Variants in SEMA5B observed in about 807,000 individuals in gnomAD.
SEMA5B encodes the protein semaphorin 5B, also known as semaphorin-5B.
Under a neutral mutation model 135.0 loss-of-function variants are expected in SEMA5B, and 66 were observed. The observed-to-expected ratio is 0.49, with a 90% confidence interval of 0.40 to 0.60. The LOEUF (loss-of-function observed/expected upper bound fraction) is 0.60, where lower values mean the gene tolerates loss of function less well. Ranked by LOEUF, SEMA5B falls within the 20% of genes least tolerant of loss-of-function variation. The pLI is 0.00. For missense variants in SEMA5B, 1,501 were observed against 1,566.3 expected (o/e 0.96, Z 0.70); for synonymous variants, 690 against 639.5 (o/e 1.08, Z -1.19).
At chr3:122,924,046 T>C (rs1005013641) in intron 9 of SEMA5B, among the ~76,000 whole-genome samples, 1 of 150,612 alleles carries the variant, frequency 6.6e-6, no homozygotes, top group Non-Finnish European at 1.5e-5. Flanking sequence ...TTGTAGTCCA[T>C]GGACCGTGGT....
intron 3 of SEMA5B, among the ~76,000 whole-genome samples, chr3:122,945,159 T>A (rs1195662777): frequency 6.6e-6 from 1 of 152,176 alleles, no homozygotes; most frequent in Non-Finnish European, 1.5e-5. Context: ...GTGAGTTGGA[T>A]GTTTTTCAGA....
At chr3:122,916,930 A>G (rs1938103350) in intron 12 of SEMA5B, among the ~76,000 whole-genome samples, 1 of 152,116 alleles carries the variant, frequency 6.6e-6, no homozygotes, top group African/African-American at 2.4e-5. Context: ...CATGCCCCAA[A>G]TGCCTCCACT....
chr3:122,931,420 C>T (rs1938965518), intron 5 of SEMA5B, among the ~76,000 whole-genome samples: 1 of 152,154 alleles, frequency 6.6e-6, no homozygotes, highest in African/African-American at 2.4e-5. Context: ...CCCCAGATTT[C>T]ACTGAATATA....
At chr3:122,955,248 C>T (rs1940237783) in intron 2 of SEMA5B, among the ~76,000 whole-genome samples, 1 of 152,162 alleles carries the variant, frequency 6.6e-6, no homozygotes, top group Non-Finnish European at 1.5e-5. Flanking sequence ...CTTTCCTATG[C>T]TTGCTGTGTC....
In SEMA5B at chr3:122,997,528, G is replaced by GCCCCA. The variant is rs1467816383; in HGVS notation, c.-39+29935_-39+29936insTGGGG. 4.8e-5 allele frequency among the ~76,000 whole-genome samples: 7 copies of GCCCCA among 145,738 alleles called. 1 individual carries two copies. The highest frequency in any genetic ancestry group is 4.0e-4 in the East Asian group (2 of 5,022). ...TGGTCCCCAGGCCTCTCCCCCCCCC[G>GCCCCA]TCTCCACCAGGGCATGTTGGTGGCC... is the stretch of plus-strand genomic sequence containing the variant. On this transcript the variant is annotated intron_variant, in intron 1 of 22. Transcript: ENST00000357599.
At chr3:122,945,827 G>A (rs1038481347) in intron 3 of SEMA5B, among the ~76,000 whole-genome samples, 1 of 151,856 alleles carries the variant, frequency 6.6e-6, no homozygotes, top group African/African-American at 2.4e-5. Context: ...GATAAAAATG[G>A]GGAGGTGGGG....
chr3:123,001,706 G>A (rs184791237), intron 1 of SEMA5B, among the ~76,000 whole-genome samples: 18 of 152,268 alleles, frequency 1.2e-4, no homozygotes, highest in African/African-American at 3.4e-4. Context: ...CAGGCCTGGC[G>A]ACACCTGCAT....
intron 5 of SEMA5B, among the ~76,000 whole-genome samples, chr3:122,937,653 C>G (rs2107505212): frequency 6.6e-6 from 1 of 152,242 alleles, no homozygotes; most frequent in South Asian, 2.1e-4. Context: ...CTGCTCCAAG[C>G]CTGAGCTATG....
intron 5 of SEMA5B, among the ~76,000 whole-genome samples, chr3:122,930,157 A>G (rs1418012987): frequency 6.6e-6 from 1 of 152,212 alleles, no homozygotes; most frequent in African/African-American, 2.4e-5. Flanking sequence ...GCAGAGCCCC[A>G]GAGGCCGCAG....
intron 9 of SEMA5B, among the ~76,000 whole-genome samples, 157 bp downstream of exon 9, chr3:122,926,235 G>A (rs954525684): frequency 4.6e-5 from 7 of 152,152 alleles, no homozygotes; most frequent in South Asian, 2.1e-4. Context: ...CCCAGAACAC[G>A]AGCTTACCGC....
At chr3:122,949,657 T>C (rs1180297078) in intron 2 of SEMA5B, among the ~76,000 whole-genome samples, 1 of 152,240 alleles carries the variant, frequency 6.6e-6, no homozygotes, top group Non-Finnish European at 1.5e-5. Flanking sequence ...CAGCCAGATG[T>C]CACAAGATTC....
At chr3:123,012,152 G>A (rs1299416997) in intron 1 of SEMA5B, among the ~76,000 whole-genome samples, 1 of 152,152 alleles carries the variant, frequency 6.6e-6, no homozygotes, top group Non-Finnish European at 1.5e-5. Context: ...TCTTTTCCTC[G>A]TGTGTAAACC....
rs1003052898 is a variant in SEMA5B at position 122,962,838 on chromosome 3, C to G, written c.-38-1537G>C. Among the ~76,000 whole-genome samples, 28 of 152,100 alleles carry G rather than the reference C, an allele frequency of 1.8e-4. 1 individual carries two copies. Among genetic ancestry groups the G allele is most frequent in the Admixed American group, 1.8e-3 (28 of 15,286 alleles). ...CCCCAGCTTCCCCAACCCCCTGACC[C>G]CCCATGAAAATTATCCTATTTAATG... is the stretch of plus-strand genomic sequence containing the variant. On this transcript the variant is annotated intron_variant, in intron 1 of 22. Transcript: ENST00000357599.
intron 1 of SEMA5B, among the ~76,000 whole-genome samples, chr3:122,963,326 A>G (rs1940672235): frequency 1.3e-5 from 2 of 151,994 alleles, no homozygotes; most frequent in African/African-American, 2.4e-5. Flanking sequence ...GTGAAACCCC[A>G]TCTCTACTAA....
chr3:122,970,968 G>A lies in SEMA5B; in HGVS notation c.-38-9667C>T, dbSNP rs117673889. ...TCCATCAGGGGCATTTCACAGGAAG[G>A]GCTGGATCAAGAGCCAGAAGGCTTG... On this transcript the variant is annotated intron_variant, in intron 1 of 22. Transcript: ENST00000357599. Among the ~76,000 whole-genome samples, 6 of 152,332 alleles carry A rather than the reference G, an allele frequency of 3.9e-5. No individual in the cohort carries two copies. In the East Asian group the frequency reaches 1.2e-3, roughly 29 times the overall value.
chr3:122,955,914 T>G (rs1367481926), intron 2 of SEMA5B, among the ~76,000 whole-genome samples: 1 of 152,246 alleles, frequency 6.6e-6, no homozygotes, highest in East Asian at 1.9e-4. Context: ...GGGCCCTGTA[T>G]AGATGAGAAA....
At chr3:123,023,166 C>A (rs1942728042) in intron 1 of SEMA5B, among the ~76,000 whole-genome samples, 2 of 152,198 alleles carry the variant, frequency 1.3e-5, no homozygotes, top group African/African-American at 2.4e-5. Context: ...AATGAAATTC[C>A]ATTAGTCCAG....
chr3:123,020,249 G>A (rs997510134), intron 1 of SEMA5B, among the ~76,000 whole-genome samples: 27 of 152,184 alleles, frequency 1.8e-4, no homozygotes, highest in African/African-American at 6.5e-4. Flanking sequence ...ATACCAGGCA[G>A]CCATTATAAA....
Position 122,927,919 on chromosome 3 carries a change from T to C in SEMA5B, c.721A>G (p.Ile241Val), listed in dbSNP as rs1225637203. 1 of 1,594,124 alleles carries C rather than the reference T, an allele frequency of 6.3e-7. No homozygotes were observed. Among genetic ancestry groups the C allele is most frequent in the South Asian group, 1.1e-5 (1 of 87,778 alleles). The change falls in exon 8 of 23, where the codon ATC becomes GTC. Residue 241 changes from isoleucine (I) to valine (V), a missense_variant. Around this residue, in one of 2 missense-constraint regions of SEMA5B, gnomAD observed 574 missense variants for 684.7 expected, o/e 0.84. Coordinates refer to ENST00000357599, the MANE Select transcript of SEMA5B (RefSeq NM_001031702.4). ...GCATAGAGCTCCCCCTGGGAGGAGA[T>C]GACAGCTGTGGAGTTGTGGCGTGGG... is the stretch of plus-strand genomic sequence containing the variant. ...YDPRHNSTAV[I>V]SSQGELYAAT... is the part of the protein sequence containing the mutation.
Sources: allele counts gnomAD v4.1 joint callset (sites outside exome capture counted in the v4.1 genomes callset), GRCh38; gene constraint gnomAD v4.1.1; regional missense constraint gnomAD v4.1.1; transcripts MANE v1.5; gene names NCBI Gene and HGNC (gene_info 2026-07-23, HGNC 2026-07-21).